PAXBP1: variants seen among roughly 807,000 people sequenced by gnomAD.
The protein encoded by PAXBP1 is PAX3 and PAX7 binding protein 1.
Under a neutral mutation model 119.9 loss-of-function variants are expected in PAXBP1, and 44 were observed. The ratio of observed to expected loss-of-function variants is 0.37; its 90% CI spans 0.29 to 0.47. The LOEUF is 0.47. Ranked by LOEUF, PAXBP1 falls within the 20% of genes least tolerant of loss-of-function variation. The probability of loss-of-function intolerance (pLI) is 0.99; values close to 1 mark genes in which losing one functional copy is unlikely to be tolerated. For synonymous variants in PAXBP1, 393 were observed against 406.6 expected, an observed-to-expected ratio of 0.97 and a Z score of 0.40; for missense variants, 898 against 1,134.1, an observed-to-expected ratio of 0.79 and a Z score of 2.99.
At chr21:32,738,376 A>G (rs751717292) in intron 15 of PAXBP1, 57 bp from the exon 16 acceptor site, 4 of 1,389,526 alleles carry the variant, frequency 2.9e-6, no homozygotes, top group East Asian at 2.4e-5. Flanking sequence ...TACAAAGTAA[A>G]TAAGTTACAT....
chr21:32,768,877 G>C (rs2044286927), intron 2 of PAXBP1, among the ~76,000 whole-genome samples: 1 of 152,144 alleles, frequency 6.6e-6, no homozygotes, highest in Admixed American at 6.5e-5. Flanking sequence ...AACAGCTTTA[G>C]TCATTTTAAT....
At chr21:32,744,259 C>CT (rs1416549382) in intron 13 of PAXBP1, among the ~76,000 whole-genome samples, 1 of 70,548 alleles carries the variant, frequency 1.4e-5, no homozygotes, top group African/African-American at 6.0e-5. Context: ...AGCTGATGAG[C>CT]TAAAAAAAAA....
At chr21:32,742,155 T>C (rs2043795842) in intron 15 of PAXBP1, 3 of 152,226 alleles carry the variant, frequency 2.0e-5, no homozygotes, top group Admixed American at 2.0e-4. Flanking sequence ...ATCTTGATTT[T>C]GGTAGTGATA....
rs1436039644 is a variant in PAXBP1 at position 32,745,738 on chromosome 21, T to A, written c.1924-20A>T. On this transcript the variant is annotated intron_variant, in intron 11 of 17. Transcript: ENST00000331923. ...TTTTGCCTAAAAGACATTTAAAAGG[T>A]TACCCAAATACTAAAATAGTGGCTA... The A allele has an allele frequency of 6.2e-7, 1 of 1,613,184 alleles. No individual in the cohort carries two copies. The highest frequency in any genetic ancestry group is 1.1e-5 in the South Asian group (1 of 91,062).
chr21:32,759,685 G>T, intron 6 of PAXBP1, 92 bp downstream of exon 6: 1 of 1,048,718 alleles, frequency 9.5e-7, no homozygotes, highest in Non-Finnish European at 1.4e-6. Flanking sequence ...AATCTTCTTT[G>T]CTGATATTCT....
At chr21:32,743,594 T>C in intron 14 of PAXBP1, 84 bp downstream of exon 14, 1 of 1,045,132 alleles carries the variant, frequency 9.6e-7, no homozygotes, top group East Asian at 2.5e-5. Context: ...AGTTTGTATT[T>C]CAAGCTAGTT....
intron 15 of PAXBP1, among the ~76,000 whole-genome samples, chr21:32,739,798 C>T (rs940829445): frequency 7.9e-5 from 12 of 151,336 alleles, no homozygotes; most frequent in Admixed American, 1.3e-4. Flanking sequence ...CCCAGCTACT[C>T]GGAAGGCTGA....
chr21:32,745,027 A>G (rs1017625641), intron 12 of PAXBP1, 114 bp from the exon 13 acceptor site: 2 of 1,182,126 alleles, frequency 1.7e-6, no homozygotes, highest in African/African-American at 1.6e-5. Context: ...TTTCTACAAT[A>G]TAAGCTTTAG....
intron 11 of PAXBP1, 34 bp downstream of exon 11, chr21:32,748,465 A>G: frequency 6.4e-7 from 1 of 1,565,944 alleles, no homozygotes; most frequent in Non-Finnish European, 8.7e-7. Flanking sequence ...ATATCAAATT[A>G]TAACACTTTC....
chr21:32,769,176 T>C (rs1290927592), intron 2 of PAXBP1, among the ~76,000 whole-genome samples: 2 of 152,174 alleles, frequency 1.3e-5, no homozygotes, highest in African/African-American at 4.8e-5. Flanking sequence ...TAAAATAAAA[T>C]AGCATTTGCA....
At chr21:32,770,421 TA>T (rs200584549) in intron 1 of PAXBP1, among the ~76,000 whole-genome samples, 7 of 151,264 alleles carry the variant, frequency 4.6e-5, no homozygotes, top group African/African-American at 1.5e-4. Flanking sequence ...ACTAAATACT[TA>T]AAAAAAAATA....
chr21:32,734,588 A>G lies in PAXBP1; in HGVS notation c.*362T>C, dbSNP rs76923710. 2.2e-3 allele frequency: 430 copies of G among 192,690 alleles called. 3 individuals carry two copies. Among genetic ancestry groups the G allele is most frequent in the African/African-American group, 9.6e-3 (404 of 42,046 alleles). 11.9% of individuals were successfully genotyped at this position (192,690 alleles called of 1,614,324 possible). A position where few individuals can be genotyped will look rare whatever the true frequency, so the allele number is the denominator to read the frequency against. On this transcript the variant is annotated 3_prime_UTR_variant, in exon 18 of 18. Coordinates refer to ENST00000331923, the MANE Select transcript of PAXBP1 (RefSeq NM_016631.4). ...GGCTTCCTCTGTGGAAAAACACCACAAATTTCCAGTGTGAAAGTAAGTCCA... is the reference window on the plus strand; with the variant it reads ...GGCTTCCTCTGTGGAAAAACACCACGAATTTCCAGTGTGAAAGTAAGTCCA...
chr21:32,767,150 A>C (rs925843612), intron 2 of PAXBP1, among the ~76,000 whole-genome samples: 2 of 152,188 alleles, frequency 1.3e-5, no homozygotes, highest in Admixed American at 1.3e-4. Context: ...TTCCACTCAA[A>C]TTCAAATTAA....
intron 15 of PAXBP1, among the ~76,000 whole-genome samples, chr21:32,738,610 G>T (rs1168244217): frequency 2.6e-5 from 4 of 152,132 alleles, no homozygotes; most frequent in Non-Finnish European, 5.9e-5. Flanking sequence ...GGAGTGCTGA[G>T]TCTTAGGTAA....
intron 11 of PAXBP1, 22 bp downstream of exon 11, chr21:32,748,477 A>G (rs932475953): frequency 2.5e-6 from 4 of 1,587,488 alleles, no homozygotes; most frequent in Admixed American, 1.8e-5. Context: ...AACACTTTCT[A>G]ATAGTGACAG....
rs376931912 is a variant in PAXBP1 at position 32,759,120 on chromosome 21, C to T, written c.1343G>A (p.Arg448Gln). The T allele has an allele frequency of 2.4e-5, 39 of 1,613,828 alleles. No homozygotes were observed. The highest frequency in any genetic ancestry group is 5.3e-5 in the African/African-American group (4 of 74,926). The stretch of plus-strand genomic sequence containing the variant: ...CTCAAGCAAGTCTTGGACATACCCT[C>T]GCATTTCTTGCAAAAATTTATACCG... ...GERYKFLQEM[R>Q]GYVQDLLECF... The change falls in exon 7 of 18, where the codon CGA becomes CAA. Residue 448 changes from arginine (R) to glutamine (Q), a missense_variant. Arg to Gln is a conservative substitution (Grantham distance 43). Coordinates refer to ENST00000331923, the MANE Select transcript of PAXBP1 (RefSeq NM_016631.4).
chr21:32,752,599 C>T (rs775204841), intron 8 of PAXBP1, among the ~76,000 whole-genome samples: 8 of 152,202 alleles, frequency 5.3e-5, no homozygotes, highest in Non-Finnish European at 1.0e-4. Context: ...AAATTTAGCT[C>T]TTACTTCAGA....
At position 32,764,299 on chromosome 21, in the gene PAXBP1, C is replaced by T. The variant is rs1223343110; in HGVS notation, c.649+49G>A. 4 of 1,547,454 alleles carry T rather than the reference C, an allele frequency of 2.6e-6. No individual in the cohort carries two copies. In the South Asian group the frequency reaches 4.8e-5, roughly 19 times the overall value. ...TTAATAATCATCTTTAAAGATGGCC[C>T]ATTCTTGAGGGTTTAGTTTAGTTCT... On this transcript the variant is annotated intron_variant, in intron 3 of 17. Coordinates refer to ENST00000331923, the MANE Select transcript of PAXBP1 (RefSeq NM_016631.4).
At position 32,734,884 on chromosome 21, in the gene PAXBP1, A is replaced by C; in HGVS notation, c.*66T>G. On this transcript the variant is annotated 3_prime_UTR_variant, in exon 18 of 18. Coordinates refer to ENST00000331923, the MANE Select transcript of PAXBP1 (RefSeq NM_016631.4). ...GCTATTTTACAGTTTAAGAAACTTT[A>C]CATATATACAAAATTTACACATTGG... 1 of 1,166,428 alleles carries C rather than the reference A, an allele frequency of 8.6e-7. No individual in the cohort carries two copies. The allele number at this position is 1,166,428 out of a possible 1,614,324, so 72.3% of individuals were successfully genotyped here.
Sources: allele counts gnomAD v4.1 joint callset (sites outside exome capture counted in the v4.1 genomes callset), GRCh38; gene constraint gnomAD v4.1.1; transcripts MANE v1.5; gene names NCBI Gene and HGNC (gene_info 2026-07-23, HGNC 2026-07-21).